Variants in STRN observed in about 807,000 individuals in gnomAD.
STRN encodes the protein protein phosphatase 2 regulatory subunit B'''alpha.
A neutral mutation model predicts 96.3 loss-of-function variants in STRN; 53 were observed. The observed-to-expected ratio is 0.55, with a 90% CI of 0.44 to 0.69. STRN has a LOEUF of 0.69. Ranked by LOEUF, STRN falls within the 30% of genes least tolerant of loss-of-function variation. The pLI is 0.00. For missense variants in STRN, 987 were observed against 963.9 expected (o/e 1.02, Z -0.32); for synonymous variants, 428 against 355.9 (o/e 1.20, Z -2.28).
chr2:36,964,164 G>A (rs1665095597), intron 1 of STRN, among the ~76,000 whole-genome samples: 1 of 135,270 alleles, frequency 7.4e-6, no homozygotes, highest in South Asian at 2.6e-4. Context: ...TAAACGAGGA[G>A]AGGGAGTGAA....
intron 1 of STRN, among the ~76,000 whole-genome samples, chr2:36,945,167 A>C (rs1396229962): frequency 6.6e-6 from 1 of 152,250 alleles, no homozygotes; most frequent in Non-Finnish European, 1.5e-5. Flanking sequence ...ATAAATAAAA[A>C]ACGTGTAGGA....
chr2:36,869,560 G>A lies in STRN; in HGVS notation c.1493C>T (p.Ala498Val), dbSNP rs755883034. 1.3e-6 allele frequency: 2 copies of A among 1,537,140 alleles called. No individual in the cohort carries two copies. Among genetic ancestry groups the A allele is most frequent in the Admixed American group, 4.0e-5 (2 of 49,502 alleles). The change falls in exon 11 of 18, where the codon GCC (alanine) becomes GTC (valine). Residue 498 changes from alanine (A) to valine (V), a missense_variant. By Grantham distance (64) the Ala-to-Val change is moderately conservative. Transcript: ENST00000263918. ...TAAAGTAGAATATTCTCACTTTTTG[G>A]CTGGGGCTGTTTTCTGTAAATTCCA... ...KMWNLQKTAP[A>V]KKSTSLDVEP...
chr2:36,939,685 C>T (rs1670798075), intron 1 of STRN, among the ~76,000 whole-genome samples: 1 of 152,068 alleles, frequency 6.6e-6, no homozygotes, highest in South Asian at 2.1e-4. Flanking sequence ...ACCCAGCCAG[C>T]ATCTAGTCTT....
At chr2:36,874,239 G>C (rs1480448117) in intron 10 of STRN, among the ~76,000 whole-genome samples, 4 of 151,374 alleles carry the variant, frequency 2.6e-5, no homozygotes, top group Admixed American at 2.6e-4. Context: ...ACTACAGCCT[G>C]GGCGACAAAG....
intron 1 of STRN, among the ~76,000 whole-genome samples, chr2:36,936,140 G>C (rs1670695188): frequency 6.6e-6 from 1 of 152,010 alleles, no homozygotes; most frequent in Non-Finnish European, 1.5e-5. Context: ...AGCCTTTCTT[G>C]CTTCATATTT....
intron 1 of STRN, among the ~76,000 whole-genome samples, chr2:36,946,013 T>C (rs530090271): frequency 2.0e-5 from 3 of 152,234 alleles, no homozygotes; most frequent in South Asian, 2.1e-4. Context: ...TACAAAGCTC[T>C]AGAGTTAATA....
intron 1 of STRN, among the ~76,000 whole-genome samples, chr2:36,947,401 A>G (rs1664606635): frequency 6.6e-6 from 1 of 151,896 alleles, no homozygotes; most frequent in South Asian, 2.1e-4. Flanking sequence ...AGTAAATACT[A>G]TAAAATGCTA....
chr2:36,960,373 T>C (rs1420551825), intron 1 of STRN, among the ~76,000 whole-genome samples: 2 of 152,206 alleles, frequency 1.3e-5, no homozygotes, highest in African/African-American at 4.8e-5. Context: ...TATCTCTTAG[T>C]GCCTGGGTCA....
chr2:36,881,811 C>G (rs780142550), intron 9 of STRN, among the ~76,000 whole-genome samples: 3 of 152,148 alleles, frequency 2.0e-5, no homozygotes, highest in African/African-American at 7.2e-5. Flanking sequence ...GAGATGAAAT[C>G]TGATAAACTT....
chr2:36,902,044 T>C lies in STRN; in HGVS notation c.659+540A>G, dbSNP rs184330994. Among the ~76,000 whole-genome samples the C allele has an allele frequency of 4.6e-4, 70 of 152,300 alleles. 2 individuals are homozygous for C. The East Asian group carries it at 0.012, about 25-fold the overall frequency. On this transcript the variant is annotated intron_variant, in intron 5 of 17. Coordinates refer to ENST00000263918, the MANE Select transcript of STRN (RefSeq NM_003162.4). ...CTGTTTATGATTATTTTAAGTAGAA[T>C]CATATGTAATTGTATGATACATAAT...
At chr2:36,893,565 A>G (rs1192725980) in intron 7 of STRN, among the ~76,000 whole-genome samples, 2 of 152,212 alleles carry the variant, frequency 1.3e-5, no homozygotes, top group African/African-American at 4.8e-5. Flanking sequence ...AGATCTCCAA[A>G]AATCCTCCAA....
chr2:36,868,461 T>C (rs905818010), intron 11 of STRN, among the ~76,000 whole-genome samples: 11 of 152,220 alleles, frequency 7.2e-5, no homozygotes, highest in African/African-American at 2.4e-4. Flanking sequence ...AACACCATTA[T>C]TATAGGTACA....
At chr2:36,858,404 C>A (rs1459753710) in intron 13 of STRN, among the ~76,000 whole-genome samples, 1 of 152,132 alleles carries the variant, frequency 6.6e-6, no homozygotes, top group African/African-American at 2.4e-5. Flanking sequence ...CAGAGAGGTC[C>A]TCTCCCTCTC....
At chr2:36,930,086 C>G (rs1432194424) in intron 1 of STRN, among the ~76,000 whole-genome samples, 1 of 152,162 alleles carries the variant, frequency 6.6e-6, no homozygotes, top group Non-Finnish European at 1.5e-5. Context: ...ATCTAGGCTG[C>G]TAGTTTTCTC....
chr2:36,849,790 G>A lies in STRN; in HGVS notation c.2097C>T (p.Ile699=), dbSNP rs777001046. ...CTTCTAGGTGGGCTACCATCGAGTG[G>A]ATCAGTTTGCCTTTGGAAAAAGAGA... is the stretch of plus-strand genomic sequence containing the variant. ...KFYDNNTGKL[I]HSMVAHLEAV... is the part of the protein sequence containing the mutation. The change falls in exon 17 of 18, where the codon ATC becomes ATT. Residue 699 remains isoleucine (I), a synonymous_variant. Transcript: ENST00000263918. The A allele has an allele frequency of 1.2e-6, 2 of 1,613,908 alleles. No homozygotes were observed. Among genetic ancestry groups the A allele is most frequent in the African/African-American group, 2.7e-5 (2 of 74,896 alleles).
At chr2:36,893,575 A>G (rs1053020720) in intron 7 of STRN, among the ~76,000 whole-genome samples, 14 of 152,224 alleles carry the variant, frequency 9.2e-5, no homozygotes, top group African/African-American at 3.4e-4. Context: ...AAATCCTCCA[A>G]CTAAAGTCTC....
intron 1 of STRN, among the ~76,000 whole-genome samples, chr2:36,959,143 G>C (rs1350553457): frequency 6.6e-6 from 1 of 151,928 alleles, no homozygotes; most frequent in Non-Finnish European, 1.5e-5. Context: ...TCTATACTGT[G>C]ACACATCATA....
chr2:36,934,699 G>T (rs1670658078), intron 1 of STRN, among the ~76,000 whole-genome samples: 1 of 152,178 alleles, frequency 6.6e-6, no homozygotes, highest in African/African-American at 2.4e-5. Flanking sequence ...CCCAACGGAA[G>T]AAGGCTATCG....
chr2:36,861,570 T>C (rs1318992784), intron 12 of STRN, among the ~76,000 whole-genome samples: 3 of 152,182 alleles, frequency 2.0e-5, no homozygotes, highest in Admixed American at 1.3e-4. Context: ...AGAAATTATA[T>C]GACTAGCAAA....
Sources: allele counts gnomAD v4.1 joint callset (sites outside exome capture counted in the v4.1 genomes callset), GRCh38; gene constraint gnomAD v4.1.1; transcripts MANE v1.5; gene names NCBI Gene and HGNC (gene_info 2026-07-23, HGNC 2026-07-21).